Variants in ST8SIA5 observed in about 807,000 individuals in gnomAD.
ST8SIA5 encodes the protein alpha-2,8-sialyltransferase 8E.
A neutral mutation model predicts 40.2 loss-of-function variants in ST8SIA5; 24 were observed. The observed-to-expected ratio is 0.60, with a 90% CI of 0.43 to 0.84. The LOEUF is 0.84. Ranked by LOEUF, ST8SIA5 falls within the 40% of genes least tolerant of loss-of-function variation. The pLI is 0.00. For missense variants in ST8SIA5, 465 were observed against 498.5 expected (o/e 0.93, Z 0.64); for synonymous variants, 198 against 201.8 (o/e 0.98, Z 0.16).
chr18:46,736,971 G>A (rs2040040766), intron 1 of ST8SIA5, among the ~76,000 whole-genome samples: 1 of 152,148 alleles, frequency 6.6e-6, no homozygotes, highest in East Asian at 1.9e-4. Flanking sequence ...CCCAGCCTGA[G>A]CTGTTCTCCT....
At chr18:46,720,531 A>G (rs1210059841) in intron 1 of ST8SIA5, among the ~76,000 whole-genome samples, 1 of 152,164 alleles carries the variant, frequency 6.6e-6, no homozygotes, top group East Asian at 1.9e-4. Flanking sequence ...AAAACCCATT[A>G]CTTCTCTGCA....
chr18:46,733,997 C>A (rs1371696582), intron 1 of ST8SIA5, among the ~76,000 whole-genome samples: 2 of 152,118 alleles, frequency 1.3e-5, no homozygotes, highest in Non-Finnish European at 2.9e-5. Context: ...CCCTAGGGGG[C>A]TCTGACCGCC....
At chr18:46,749,872 A>G (rs529050010) in intron 1 of ST8SIA5, among the ~76,000 whole-genome samples, 1 of 152,262 alleles carries the variant, frequency 6.6e-6, no homozygotes, top group African/African-American at 2.4e-5. Context: ...AGCAGTCACA[A>G]ATGGGATTGG....
intron 1 of ST8SIA5, among the ~76,000 whole-genome samples, chr18:46,749,900 G>A (rs537730413): frequency 6.6e-6 from 1 of 152,234 alleles, no homozygotes; most frequent in Admixed American, 6.5e-5. Context: ...ATAAGACGAG[G>A]CCAGAGACTT....
At chr18:46,751,485 C>T (rs1462595510) in intron 1 of ST8SIA5, among the ~76,000 whole-genome samples, 1 of 152,044 alleles carries the variant, frequency 6.6e-6, no homozygotes, top group Non-Finnish European at 1.5e-5. Flanking sequence ...CAACCTCCAC[C>T]TCCCAGTTTC....
intron 3 of ST8SIA5, among the ~76,000 whole-genome samples, chr18:46,690,280 C>A (rs2039491911): frequency 6.6e-6 from 1 of 152,186 alleles, no homozygotes; most frequent in Non-Finnish European, 1.5e-5. Flanking sequence ...CTCATGCCTG[C>A]CTTCTAGCAC....
chr18:46,738,368 C>G (rs1448059836), intron 1 of ST8SIA5, among the ~76,000 whole-genome samples: 1 of 152,042 alleles, frequency 6.6e-6, no homozygotes, highest in African/African-American at 2.4e-5. Context: ...ACATCCAACA[C>G]CTGGTGCAGG....
At chr18:46,712,188 G>A (rs897129895) in intron 1 of ST8SIA5, among the ~76,000 whole-genome samples, 6 of 152,182 alleles carry the variant, frequency 3.9e-5, no homozygotes, top group Non-Finnish European at 8.8e-5. Flanking sequence ...AGCCCTGAAA[G>A]GCTTCCCTTT....
At chr18:46,704,845 C>A (rs961692480) in intron 1 of ST8SIA5, among the ~76,000 whole-genome samples, 181 bp from the exon 2 acceptor site, 11 of 152,164 alleles carry the variant, frequency 7.2e-5, no homozygotes, top group African/African-American at 2.7e-4. Context: ...GGCTTGATCA[C>A]TGGGTGGTCA....
At chr18:46,681,389 C>T (rs1017020300) in intron 6 of ST8SIA5, among the ~76,000 whole-genome samples, 7 of 152,226 alleles carry the variant, frequency 4.6e-5, no homozygotes. Flanking sequence ...CAATGACCCC[C>T]TCCTCTCATC....
At chr18:46,716,834 G>A (rs2039796875) in intron 1 of ST8SIA5, among the ~76,000 whole-genome samples, 1 of 152,280 alleles carries the variant, frequency 6.6e-6, no homozygotes, top group Non-Finnish European at 1.5e-5. Flanking sequence ...ACAGAAGGCA[G>A]AGTTAAAGGT....
At chr18:46,688,729 A>C (rs2039472717) in intron 4 of ST8SIA5, 46 bp downstream of exon 4, 2 of 1,578,352 alleles carry the variant, frequency 1.3e-6, no homozygotes, top group Non-Finnish European at 1.7e-6. Context: ...CTACTGCTGG[A>C]TTGGCTCCCT....
intron 3 of ST8SIA5, 101 bp downstream of exon 3, chr18:46,692,068 T>A: frequency 4.9e-6 from 6 of 1,236,468 alleles, no homozygotes; most frequent in Non-Finnish European, 7.1e-6. Context: ...CTGGGGAAGA[T>A]GCACGCTGAG....
At chr18:46,744,014 T>C (rs2040113581) in intron 1 of ST8SIA5, among the ~76,000 whole-genome samples, 1 of 152,194 alleles carries the variant, frequency 6.6e-6, no homozygotes, top group Non-Finnish European at 1.5e-5. Context: ...AAGCAAATGC[T>C]GAGAGACTTT....
At position 46,682,024 on chromosome 18, in the gene ST8SIA5, C is replaced by G. The variant is rs758389386; in HGVS notation, c.610G>C (p.Val204Leu). The G allele has an allele frequency of 6.2e-7, 1 of 1,613,268 alleles. No individual in the cohort carries two copies. Among genetic ancestry groups the G allele is most frequent in the South Asian group, 1.1e-5 (1 of 90,842 alleles). Residue 204 changes from valine (V) to leucine (L), a missense_variant, in exon 6 of 7, where the codon GTG (valine) becomes CTG (leucine). Physicochemically the swap from Val to Leu is conservative, Grantham distance 32. Coordinates refer to ENST00000315087, the MANE Select transcript of ST8SIA5 (RefSeq NM_013305.6). ...GTGACCACATCCGTCTTCACCCCCACATCCATGGTGTACTTCTCTGAGATG... is the reference window on the plus strand; with the variant it reads ...GTGACCACATCCGTCTTCACCCCCAGATCCATGGTGTACTTCTCTGAGATG... ...PPISEKYTMD[V>L]GVKTDVVTVN... is the part of the protein sequence containing the mutation.
intron 1 of ST8SIA5, among the ~76,000 whole-genome samples, chr18:46,719,096 G>A (rs970783188): frequency 3.9e-5 from 6 of 152,176 alleles, no homozygotes; most frequent in African/African-American, 1.4e-4. Context: ...TTTGAAATTG[G>A]AATTGTCCCA....
At position 46,704,562 on chromosome 18, in the gene ST8SIA5, C is replaced by T; in HGVS notation, c.224+10G>A. ...TGCTCCCTGCACCCACCACAAATGGCCACACTCACATGGACAGCACCTTCA... is the reference window on the plus strand; with the variant it reads ...TGCTCCCTGCACCCACCACAAATGGTCACACTCACATGGACAGCACCTTCA... On this transcript the variant is annotated intron_variant, in intron 2 of 6. Transcript: ENST00000315087. The T allele has an allele frequency of 1.2e-6, 2 of 1,613,462 alleles. No individual in the cohort carries two copies. Among genetic ancestry groups the T allele is most frequent in the South Asian group, 2.2e-5 (2 of 91,042 alleles).
intron 3 of ST8SIA5, 47 bp downstream of exon 3, chr18:46,692,122 G>A: frequency 6.3e-7 from 1 of 1,588,932 alleles, no homozygotes; most frequent in Non-Finnish European, 8.6e-7. Context: ...AGGTGGCAGT[G>A]AGGAGAATCA....
At chr18:46,694,122 G>A (rs979295728) in intron 2 of ST8SIA5, among the ~76,000 whole-genome samples, 1 of 152,212 alleles carries the variant, frequency 6.6e-6, no homozygotes, top group Non-Finnish European at 1.5e-5. Context: ...CCTCAAGCCA[G>A]GCCAGCACCC....
Sources: gnomAD v4.1 joint callset for allele counts (sites outside exome capture counted in the v4.1 genomes callset) on GRCh38, gnomAD v4.1.1 for gene constraint, MANE v1.5 for transcripts, NCBI Gene and HGNC (gene_info 2026-07-23, HGNC 2026-07-21) for gene names.